Variants in CARMIL1 observed in about 807,000 individuals in gnomAD.
The protein encoded by CARMIL1 is F-actin-uncapping protein LRRC16A.
A neutral mutation model predicts 177.1 loss-of-function variants in CARMIL1; 90 were observed. The ratio of observed to expected loss-of-function variants is 0.51; its 90% CI spans 0.43 to 0.61. The LOEUF is 0.61. Among genes scored for constraint, CARMIL1 ranks in the 20% least tolerant of loss-of-function variants. The pLI, the probability that CARMIL1 is intolerant of heterozygous loss-of-function variation, is 0.00. For synonymous variants in CARMIL1, 577 were observed against 606.2 expected (o/e 0.95, Z 0.71); for missense variants, 1,380 against 1,667.0 (o/e 0.83, Z 3.00).
chr6:25,364,260 A>G (rs1789537138), intron 2 of CARMIL1, among the ~76,000 whole-genome samples: 1 of 152,230 alleles, frequency 6.6e-6, no homozygotes. Context: ...TAGATTTCAT[A>G]GGTTTTACAC....
chr6:25,550,841 T>C, intron 26 of CARMIL1, 69 bp from the exon 27 acceptor site: 1 of 1,421,462 alleles, frequency 7.0e-7, no homozygotes, highest in Non-Finnish European at 9.7e-7. Context: ...ATAACCACCT[T>C]TCAGTTTTAT....
intron 2 of CARMIL1, among the ~76,000 whole-genome samples, chr6:25,302,948 G>T (rs1782976972): frequency 6.6e-6 from 1 of 152,036 alleles, no homozygotes; most frequent in South Asian, 2.1e-4. Context: ...AGTAGTGTTT[G>T]TACCACTGTC....
chr6:25,406,568 T>C (rs1794394477), intron 2 of CARMIL1, among the ~76,000 whole-genome samples: 1 of 152,160 alleles, frequency 6.6e-6, no homozygotes, highest in Non-Finnish European at 1.5e-5. Flanking sequence ...TGGCTTGGAA[T>C]AGTATCATAG....
At chr6:25,413,285 G>T (rs1262843628) in intron 2 of CARMIL1, among the ~76,000 whole-genome samples, 1 of 152,158 alleles carries the variant, frequency 6.6e-6, no homozygotes, top group Non-Finnish European at 1.5e-5. Context: ...GTGCTTCAAG[G>T]GTGTAAGACC....
At chr6:25,415,471 C>A (rs1795275608) in intron 2 of CARMIL1, among the ~76,000 whole-genome samples, 1 of 138,322 alleles carries the variant, frequency 7.2e-6, no homozygotes, top group South Asian at 2.6e-4. Flanking sequence ...CTCCCCACCC[C>A]CCACCCCCAC....
intron 36 of CARMIL1, among the ~76,000 whole-genome samples, chr6:25,615,334 G>A (rs557603649): frequency 2.6e-5 from 4 of 152,202 alleles, no homozygotes; most frequent in South Asian, 4.2e-4. Flanking sequence ...TTTTTATCAC[G>A]AATATTATGT....
intron 13 of CARMIL1, 36 bp from the exon 14 acceptor site, chr6:25,491,696 T>C: frequency 1.4e-6 from 2 of 1,394,076 alleles, no homozygotes; most frequent in Non-Finnish European, 9.9e-7. Flanking sequence ...TGTGTGTTTC[T>C]AGAATCCTAA....
intron 2 of CARMIL1, among the ~76,000 whole-genome samples, chr6:25,418,549 TAA>T (rs34839184): frequency 6.8e-6 from 1 of 146,616 alleles, no homozygotes; most frequent in Admixed American, 6.8e-5. Context: ...TAGGAGGGTG[TAA>T]AAAAAAAAAA....
intron 2 of CARMIL1, among the ~76,000 whole-genome samples, chr6:25,322,267 C>CACAT (rs1561982373): frequency 6.6e-6 from 1 of 152,108 alleles, no homozygotes; most frequent in Non-Finnish European, 1.5e-5. Context: ...GGATTACAGG[C>CACAT]GCTCTCCACC....
intron 33 of CARMIL1, among the ~76,000 whole-genome samples, chr6:25,601,091 G>A (rs1792426834): frequency 6.6e-6 from 1 of 152,168 alleles, no homozygotes; most frequent in Admixed American, 6.5e-5. Flanking sequence ...GAGATAAGTG[G>A]GGGTTCATTT....
chr6:25,481,762 C>T (rs182282014), intron 11 of CARMIL1, among the ~76,000 whole-genome samples: 12 of 152,232 alleles, frequency 7.9e-5, no homozygotes, highest in East Asian at 1.9e-4. Context: ...AAACATGCTC[C>T]GAAGCTCTGT....
chr6:25,285,055 G>A (rs977262702), intron 2 of CARMIL1, 146 bp downstream of exon 2: 5 of 563,466 alleles, frequency 8.9e-6, no homozygotes, highest in African/African-American at 1.9e-5. Flanking sequence ...TAGGTTAATT[G>A]GAATATTTCT....
intron 2 of CARMIL1, 85 bp from the exon 3 acceptor site, chr6:25,420,029 T>C (rs1795705666): frequency 1.0e-6 from 1 of 988,450 alleles, no homozygotes; most frequent in Non-Finnish European, 1.6e-6. Context: ...GAGGTTTCAG[T>C]ATCATTAAAG....
chr6:25,602,493 T>C (rs990596782), intron 33 of CARMIL1, among the ~76,000 whole-genome samples: 3 of 152,246 alleles, frequency 2.0e-5, no homozygotes, highest in African/African-American at 7.2e-5. Flanking sequence ...GGATTTGATA[T>C]ATAAATCGAC....
chr6:25,363,930 T>C (rs1043462231), intron 2 of CARMIL1, among the ~76,000 whole-genome samples: 7 of 152,124 alleles, frequency 4.6e-5, no homozygotes, highest in Non-Finnish European at 1.0e-4. Flanking sequence ...CCTTTCTCTC[T>C]TCTCTTCTCT....
chr6:25,358,642 C>G (rs1309795497), intron 2 of CARMIL1, among the ~76,000 whole-genome samples: 1 of 152,074 alleles, frequency 6.6e-6, no homozygotes, highest in East Asian at 1.9e-4. Flanking sequence ...CAAGCAACGC[C>G]TCTAAGGGGG....
At chr6:25,384,115 A>G (rs142660171) in intron 2 of CARMIL1, among the ~76,000 whole-genome samples, 122 of 152,362 alleles carry the variant, frequency 8.0e-4, no homozygotes, top group Middle Eastern at 3.4e-3. Flanking sequence ...CTGGGATTAC[A>G]GGCGTGAGCC....
intron 5 of CARMIL1, among the ~76,000 whole-genome samples, chr6:25,439,276 C>G (rs182179147): frequency 1.3e-5 from 2 of 152,280 alleles, no homozygotes; most frequent in Admixed American, 1.3e-4. Context: ...GACCTCTCCT[C>G]CAAGCTCCAC....
At chr6:25,477,101 A>C (rs1801645140) in intron 11 of CARMIL1, among the ~76,000 whole-genome samples, 1 of 151,662 alleles carries the variant, frequency 6.6e-6, no homozygotes, top group East Asian at 1.9e-4. Flanking sequence ...AAAAAAAAAA[A>C]ACAAAAAACA....
Sources: gnomAD v4.1 joint callset for allele counts (sites outside exome capture counted in the v4.1 genomes callset) on GRCh38, gnomAD v4.1.1 for gene constraint, MANE v1.5 for transcripts, NCBI Gene and HGNC (gene_info 2026-07-23, HGNC 2026-07-21) for gene names.